The following FAF1 variants were observed in gnomAD, a reference collection of about 807,000 sequenced individuals.
FAF1 encodes FAS-associated factor 1.
In FAF1, 25 loss-of-function variants were observed where a neutral mutation model predicts 92.5. The ratio of observed to expected loss-of-function variants is 0.27; its 90% CI spans 0.20 to 0.38. The LOEUF is 0.38. Ranked by LOEUF, FAF1 falls within the 10% of genes least tolerant of loss-of-function variation. The probability of loss-of-function intolerance (pLI) is 1.00; values close to 1 mark genes in which losing one functional copy is unlikely to be tolerated. For synonymous variants in FAF1, 234 were observed against 273.2 expected, an observed-to-expected ratio of 0.86 and a Z score of 1.42; for missense variants, 636 against 793.3, an observed-to-expected ratio of 0.80 and a Z score of 2.38.
rs74082526 is a variant in FAF1 at position 50,445,863 on chromosome 1, T to C, written c.1870-4340A>G. Among the ~76,000 whole-genome samples the C allele has an allele frequency of 9.1e-3, 1,392 of 152,336 alleles. 19 individuals carry two copies. The highest frequency in any genetic ancestry group is 0.032 in the African/African-American group (1,339 of 41,564). On this transcript the variant is annotated intron_variant, in intron 18 of 18. Transcript: ENST00000396153. The stretch of plus-strand genomic sequence containing the variant: ...CTCATTAGCTTAATCATTTAGCAAA[T>C]TGGCTTTGTGAAACATGTTTATGTA...
At chr1:50,561,395 C>T (rs1317302283) in intron 13 of FAF1, among the ~76,000 whole-genome samples, 1 of 152,178 alleles carries the variant, frequency 6.6e-6, no homozygotes, top group Non-Finnish European at 1.5e-5. Flanking sequence ...CCATTAGTGG[C>T]TACAGGGGAA....
intron 6 of FAF1, among the ~76,000 whole-genome samples, chr1:50,709,612 A>G (rs749986453): frequency 4.6e-5 from 7 of 152,150 alleles, no homozygotes; most frequent in Non-Finnish European, 1.5e-5. Flanking sequence ...CCTGGTCATC[A>G]AGCTACAAAG....
At position 50,738,972 on chromosome 1, in the gene FAF1, C is replaced by T. The variant is rs1229260512; in HGVS notation, c.460-18G>A. 1.4e-6 allele frequency: 2 copies of T among 1,458,388 alleles called. No individual in the cohort carries two copies. Among genetic ancestry groups the T allele is most frequent in the Non-Finnish European group, 9.5e-7 (1 of 1,057,264 alleles). 90.3% of individuals were successfully genotyped at this position (1,458,388 alleles called of 1,614,324 possible). A position where few individuals can be genotyped will look rare whatever the true frequency, so the allele number is the denominator to read the frequency against. ...AGGACCGTCTGAAAAAGAAAAAACA[C>T]AGCAAAAAATGAATGTTGATGTTGA... On this transcript the variant is annotated intron_variant, in intron 5 of 18. Coordinates refer to ENST00000396153, the MANE Select transcript of FAF1 (RefSeq NM_007051.3).
chr1:50,543,509 C>T, intron 13 of FAF1, among the ~76,000 whole-genome samples: 1 of 152,182 alleles, frequency 6.6e-6, no homozygotes, highest in South Asian at 2.1e-4. Context: ...AAACACTTGT[C>T]TTCTTGTAAG....
In FAF1 at chr1:50,735,782, T is replaced by TA. The variant is rs1245884510; in HGVS notation, c.551+3080_551+3081insT. On this transcript the variant is annotated intron_variant, in intron 6 of 18. Transcript: ENST00000396153. ...CCAGGCTTAAAGTACAGTGGCATGATCTCAGCTCACTGTAACCTCAAACTC... is the reference window on the plus strand; with the variant it reads ...CCAGGCTTAAAGTACAGTGGCATGATACTCAGCTCACTGTAACCTCAAACTC... Among the ~76,000 whole-genome samples the TA allele has an allele frequency of 4.8e-3, 734 of 152,292 alleles. 12 individuals carry two copies. In the East Asian group the frequency reaches 0.077, roughly 16 times the overall value.
intron 1 of FAF1, among the ~76,000 whole-genome samples, chr1:50,929,116 G>A (rs2124742160): frequency 7.0e-6 from 1 of 143,154 alleles, no homozygotes; most frequent in Non-Finnish European, 1.5e-5. Flanking sequence ...AAACTGGGAA[G>A]GCTAGCAAAA....
chr1:50,667,949 T>C (rs1655706855), intron 7 of FAF1, among the ~76,000 whole-genome samples: 1 of 152,240 alleles, frequency 6.6e-6, no homozygotes, highest in Admixed American at 6.5e-5. Flanking sequence ...ATGTTTATGT[T>C]TGCTTTGCTG....
Position 50,491,682 on chromosome 1 carries a change from A to G in FAF1, c.1575+39T>C, listed in dbSNP as rs753028844. 11 of 1,435,942 alleles carry G rather than the reference A, an allele frequency of 7.7e-6. No homozygotes were observed. In the Admixed American group the frequency reaches 1.9e-4, roughly 25 times the overall value. The allele number at this position is 1,435,942 out of a possible 1,614,324, so 89.0% of individuals were successfully genotyped here. ...AAGGTTGGCATTTAAATAATGAACAATTGAGTTCTTTATCCCAGAAGTACT... is the reference window on the plus strand; with the variant it reads ...AAGGTTGGCATTTAAATAATGAACAGTTGAGTTCTTTATCCCAGAAGTACT... On this transcript the variant is annotated intron_variant, in intron 16 of 18. Transcript: ENST00000396153.
chr1:50,483,307 GACC>G (rs1158018900), intron 17 of FAF1, among the ~76,000 whole-genome samples: 2 of 151,946 alleles, frequency 1.3e-5, no homozygotes, highest in Non-Finnish European at 2.9e-5. Context: ...AAAATCAATT[GACC>G]ATATATGTGT....
intron 6 of FAF1, among the ~76,000 whole-genome samples, chr1:50,738,383 C>A (rs912800597): frequency 3.6e-5 from 5 of 139,064 alleles, no homozygotes; most frequent in Admixed American, 1.6e-4. Context: ...GCAGAGGTTG[C>A]GGTGAGCCAA....
intron 1 of FAF1, among the ~76,000 whole-genome samples, chr1:50,954,967 A>C (rs1570185648): frequency 6.6e-6 from 1 of 152,182 alleles, no homozygotes; most frequent in Admixed American, 6.5e-5. Flanking sequence ...ACTCCATTGC[A>C]CTCCAGCCTG....
intron 8 of FAF1, chr1:50,612,571 G>A (rs1214734797): frequency 1.6e-6 from 1 of 625,204 alleles, no homozygotes; most frequent in Non-Finnish European, 2.0e-6. Context: ...CCTCAACACT[G>A]TGGAACTCTT....
chr1:50,549,071 A>G (rs1649166562), intron 13 of FAF1, among the ~76,000 whole-genome samples: 1 of 152,196 alleles, frequency 6.6e-6, no homozygotes, highest in South Asian at 2.1e-4. Context: ...AAAATAAGTT[A>G]TAGCACCAAT....
intron 12 of FAF1, among the ~76,000 whole-genome samples, chr1:50,580,145 T>C (rs1203746016): frequency 1.3e-5 from 2 of 152,242 alleles, no homozygotes; most frequent in African/African-American, 4.8e-5. Context: ...GCTTAACTGC[T>C]AAAAACTATT....
intron 8 of FAF1, among the ~76,000 whole-genome samples, chr1:50,598,656 A>G (rs1423472901): frequency 6.6e-6 from 1 of 152,132 alleles, no homozygotes; most frequent in Non-Finnish European, 1.5e-5. Context: ...ATTTAGTGTT[A>G]AGAACATACT....
intron 9 of FAF1, among the ~76,000 whole-genome samples, chr1:50,586,494 A>G (rs1447180398): frequency 2.0e-5 from 3 of 152,214 alleles, no homozygotes; most frequent in Non-Finnish European, 4.4e-5. Flanking sequence ...AATCATAATC[A>G]TATTTTCCCT....
chr1:50,571,574 T>C (rs1572841692), intron 12 of FAF1, among the ~76,000 whole-genome samples: 1 of 152,208 alleles, frequency 6.6e-6, no homozygotes, highest in East Asian at 1.9e-4. Flanking sequence ...GCCATGAAAA[T>C]GTATTAAAGA....
chr1:50,657,505 T>A (rs1655178441), intron 7 of FAF1, among the ~76,000 whole-genome samples: 1 of 151,830 alleles, frequency 6.6e-6, no homozygotes, highest in Non-Finnish European at 1.5e-5. Context: ...GAGGCAGCAA[T>A]GAGCCACGAC....
intron 13 of FAF1, among the ~76,000 whole-genome samples, chr1:50,545,160 T>TAAGTAAAA (rs1274648406): frequency 6.6e-6 from 1 of 151,970 alleles, no homozygotes; most frequent in Non-Finnish European, 1.5e-5. Flanking sequence ...TACAAACTAG[T>TAAGTAAAA]AAGTAAAAGA....
Sources: allele counts gnomAD v4.1 joint callset (sites outside exome capture counted in the v4.1 genomes callset), GRCh38; gene constraint gnomAD v4.1.1; transcripts MANE v1.5; gene names NCBI Gene and HGNC (gene_info 2026-07-23, HGNC 2026-07-21).